Variants in ERBIN observed in about 807,000 individuals in gnomAD.
The protein encoded by ERBIN is densin-180-like protein.
ERBIN carries 60 observed loss-of-function variants against 158.4 expected under a neutral mutation model. The observed-to-expected ratio is 0.38, with a 90% CI of 0.31 to 0.47. The LOEUF (loss-of-function observed/expected upper bound fraction) is 0.47. ERBIN is among the 20% of genes least tolerant of loss of function. The probability of loss-of-function intolerance (pLI) is 0.99; values close to 1 mark genes in which losing one functional copy is unlikely to be tolerated. For missense variants in ERBIN, 1,610 were observed against 1,648.0 expected (o/e 0.98, Z 0.40); for synonymous variants, 594 against 557.2 (o/e 1.07, Z -0.93).
chr5:66,014,331 T>C (rs1301506385), intron 6 of ERBIN, among the ~76,000 whole-genome samples: 2 of 152,194 alleles, frequency 1.3e-5, no homozygotes, highest in Non-Finnish European at 2.9e-5. Flanking sequence ...AGCAGCACTT[T>C]AGAGTTGCAT....
At chr5:66,031,835 G>C (rs1756910017) in intron 14 of ERBIN, among the ~76,000 whole-genome samples, 1 of 151,988 alleles carries the variant, frequency 6.6e-6, no homozygotes, top group Non-Finnish European at 1.5e-5. Context: ...CTATCTCCAA[G>C]ATAGTTTTTT....
At chr5:66,014,557 C>A in intron 6 of ERBIN, 112 bp from the exon 7 acceptor site, 1 of 525,724 alleles carries the variant, frequency 1.9e-6, no homozygotes, top group Non-Finnish European at 3.4e-6. Context: ...TATTACTTTG[C>A]AATTAGTAAT....
intron 1 of ERBIN, among the ~76,000 whole-genome samples, chr5:65,988,052 A>G (rs961180170): frequency 2.4e-4 from 37 of 152,148 alleles, no homozygotes; most frequent in Non-Finnish European, 1.2e-4. Flanking sequence ...AGAGTTTATA[A>G]ATGTATGAAG....
At chr5:66,040,964 G>A (rs1301771368) in intron 15 of ERBIN, among the ~76,000 whole-genome samples, 1 of 151,872 alleles carries the variant, frequency 6.6e-6, no homozygotes, top group East Asian at 1.9e-4. Context: ...AGAGAGAAAG[G>A]GAAGTATGCC....
chr5:66,025,500 A>G lies in ERBIN; in HGVS notation c.838A>G (p.Thr280Ala), dbSNP rs1229181327. The G allele has an allele frequency of 9.3e-6, 15 of 1,612,388 alleles. No homozygotes were observed. Among genetic ancestry groups the G allele is most frequent in the Non-Finnish European group, 1.3e-5 (15 of 1,178,800 alleles). ...ATTAGGTTCGTTGAAGAATATAACAACGCTTAAAATAGATGAAAACCAGTT... is the reference window on the plus strand; with the variant it reads ...ATTAGGTTCGTTGAAGAATATAACAGCGCTTAAAATAGATGAAAACCAGTT... ...ETIGSLKNIT[T>A]LKIDENQLMY... The change falls in exon 11 of 26, where the codon ACG (threonine) becomes GCG (alanine). Residue 280 changes from threonine to alanine, a missense_variant. This residue lies in a region of ERBIN where 596 missense variants were observed against 711.9 expected (regional missense o/e 0.84). Coordinates refer to ENST00000284037, the MANE Select transcript of ERBIN (RefSeq NM_001253697.2).
intron 1 of ERBIN, among the ~76,000 whole-genome samples, chr5:65,956,799 A>C (rs1004586405): frequency 6.6e-6 from 1 of 152,172 alleles, no homozygotes; most frequent in Non-Finnish European, 1.5e-5. Flanking sequence ...ACCCTGAAGC[A>C]CAACGTAGCT....
intron 1 of ERBIN, among the ~76,000 whole-genome samples, chr5:65,940,441 A>G (rs1472125608): frequency 1.8e-5 from 2 of 113,182 alleles, no homozygotes; most frequent in East Asian, 5.6e-4. Flanking sequence ...CCGCCCGGCC[A>G]GCTGCCCCGT....
chr5:65,942,139 A>G, intron 1 of ERBIN, among the ~76,000 whole-genome samples: 1 of 152,198 alleles, frequency 6.6e-6, no homozygotes. Flanking sequence ...TATCACTGTA[A>G]ATGACTAGTC....
At chr5:66,032,002 C>G (rs1261211609) in intron 14 of ERBIN, among the ~76,000 whole-genome samples, 4 of 151,786 alleles carry the variant, frequency 2.6e-5, no homozygotes, top group Non-Finnish European at 5.9e-5. Flanking sequence ...CCACCATGAC[C>G]AACTAGACAT....
At chr5:66,058,690 T>A (rs1759904741) in intron 21 of ERBIN, among the ~76,000 whole-genome samples, 1 of 148,644 alleles carries the variant, frequency 6.7e-6, no homozygotes, top group Non-Finnish European at 1.5e-5. Context: ...AAGTCTTTAA[T>A]GCATCTTGAA....
chr5:65,971,245 G>T (rs1340121372), intron 1 of ERBIN, among the ~76,000 whole-genome samples: 2 of 142,026 alleles, frequency 1.4e-5, no homozygotes, highest in Non-Finnish European at 3.1e-5. Flanking sequence ...GTGCATGCTG[G>T]TTTTTTTTTT....
intron 1 of ERBIN, among the ~76,000 whole-genome samples, chr5:65,977,145 G>A (rs1749990579): frequency 1.3e-5 from 2 of 149,310 alleles, no homozygotes; most frequent in South Asian, 2.1e-4. Context: ...CGGGCGGGGG[G>A]CTGACTCCCC....
At chr5:65,981,661 A>C (rs1033359914) in intron 1 of ERBIN, among the ~76,000 whole-genome samples, 2 of 152,146 alleles carry the variant, frequency 1.3e-5, no homozygotes, top group Non-Finnish European at 2.9e-5. Flanking sequence ...CAAAAAAAAA[A>C]CAATTGTTTT....
chr5:65,950,505 G>A (rs1400358424), intron 1 of ERBIN, among the ~76,000 whole-genome samples: 1 of 152,180 alleles, frequency 6.6e-6, no homozygotes, highest in East Asian at 1.9e-4. Context: ...AAAAGGGTAT[G>A]ATATTAACAT....
chr5:65,954,309 T>A (rs1266716620), intron 1 of ERBIN, among the ~76,000 whole-genome samples: 2 of 152,200 alleles, frequency 1.3e-5, no homozygotes, highest in African/African-American at 4.8e-5. Context: ...TGTCCTGTGC[T>A]TGAAAAACAC....
intron 8 of ERBIN, 43 bp from the exon 9 acceptor site, chr5:66,023,247 A>G (rs755752612): frequency 6.9e-7 from 1 of 1,440,878 alleles, no homozygotes; most frequent in Non-Finnish European, 9.7e-7. Flanking sequence ...ACATTCATAA[A>G]AATTAATTGA....
chr5:66,031,934 C>G (rs940635868), intron 14 of ERBIN, among the ~76,000 whole-genome samples: 1 of 151,944 alleles, frequency 6.6e-6, no homozygotes, highest in African/African-American at 2.4e-5. Context: ...CTCAAACTTC[C>G]AGTCTCAAGT....
intron 4 of ERBIN, among the ~76,000 whole-genome samples, chr5:66,004,805 A>G (rs1421677693): frequency 2.0e-5 from 3 of 152,178 alleles, no homozygotes. Flanking sequence ...CCATGTGAAT[A>G]ACTAAGGTAA....
intron 1 of ERBIN, among the ~76,000 whole-genome samples, chr5:65,957,363 G>C (rs957707326): frequency 2.6e-5 from 4 of 152,118 alleles, no homozygotes; most frequent in Non-Finnish European, 5.9e-5. Flanking sequence ...GAGGACCCTG[G>C]GGCCTTCCGC....
Sources: gnomAD v4.1 joint callset for allele counts (sites outside exome capture counted in the v4.1 genomes callset) on GRCh38, gnomAD v4.1.1 for gene constraint, gnomAD v4.1.1 regional missense constraint, MANE v1.5 for transcripts, NCBI Gene and HGNC (gene_info 2026-07-23, HGNC 2026-07-21) for gene names.